Variants in WWOX observed in about 807,000 individuals in gnomAD.
WWOX encodes the protein WW domain containing oxidoreductase.
Under a neutral mutation model 46.2 loss-of-function variants are expected in WWOX, and 69 were observed. That is an observed-to-expected ratio of 1.49 (90% confidence interval 1.23 to 1.82). The LOEUF is 1.82. Among genes scored for constraint, WWOX ranks in the 40% most tolerant of loss-of-function variants. The pLI, the probability that WWOX is intolerant of heterozygous loss-of-function variation, is 0.00. For synonymous variants in WWOX, 359 were observed against 202.6 expected (o/e 1.77, Z -6.56); for missense variants, 919 against 542.6 (o/e 1.69, Z -6.89).
chr16:78,359,376 G>C (rs778246522), intron 5 of WWOX, among the ~76,000 whole-genome samples: 1 of 152,136 alleles, frequency 6.6e-6, no homozygotes, highest in Non-Finnish European at 1.5e-5. Flanking sequence ...TACAAATTAA[G>C]TTTTTTTCTG....
chr16:78,890,338 CCAT>C (rs1262172411), intron 8 of WWOX: 2 of 152,188 alleles, frequency 1.3e-5, no homozygotes, highest in African/African-American at 4.8e-5. Flanking sequence ...AATTTGACCT[CCAT>C]CATTCTTAAA....
chr16:78,721,421 T>C (rs988158303), intron 8 of WWOX, among the ~76,000 whole-genome samples: 3 of 152,220 alleles, frequency 2.0e-5, no homozygotes, highest in Non-Finnish European at 2.9e-5. Context: ...TATGAACATA[T>C]TGTCGGCTGG....
At chr16:78,331,010 G>C (rs1465826753) in intron 5 of WWOX, among the ~76,000 whole-genome samples, 1 of 152,178 alleles carries the variant, frequency 6.6e-6, no homozygotes, top group East Asian at 1.9e-4. Flanking sequence ...TGATGCTAAA[G>C]ATTGGCGTTA....
chr16:78,775,503 C>G (rs771462931), intron 8 of WWOX, among the ~76,000 whole-genome samples: 1 of 152,068 alleles, frequency 6.6e-6, no homozygotes, highest in East Asian at 1.9e-4. Flanking sequence ...GTCACTGTAG[C>G]GCCCTCCGGG....
chr16:78,142,080 T>C (rs1215605578), intron 4 of WWOX, among the ~76,000 whole-genome samples: 1 of 152,004 alleles, frequency 6.6e-6, no homozygotes, highest in Non-Finnish European at 1.5e-5. Context: ...ACAATGAAGG[T>C]AATTATTAAA....
intron 8 of WWOX, among the ~76,000 whole-genome samples, chr16:78,802,712 T>C (rs908928821): frequency 6.6e-6 from 1 of 151,094 alleles, no homozygotes; most frequent in Non-Finnish European, 1.5e-5. Context: ...GGTCAGGAGT[T>C]CAAGATCAGC....
intron 8 of WWOX, among the ~76,000 whole-genome samples, chr16:79,135,418 C>T (rs2049964224): frequency 6.6e-6 from 1 of 152,124 alleles, no homozygotes; most frequent in South Asian, 2.1e-4. Flanking sequence ...TGTCTGTCTT[C>T]ACCATCATTT....
At chr16:78,325,918 C>T (rs1370476407) in intron 5 of WWOX, among the ~76,000 whole-genome samples, 1 of 152,246 alleles carries the variant, frequency 6.6e-6, no homozygotes, top group African/African-American at 2.4e-5. Context: ...AAATGATGCC[C>T]ACTGTGGATC....
chr16:78,259,109 G>C (rs1309846048), intron 5 of WWOX, among the ~76,000 whole-genome samples: 2 of 152,196 alleles, frequency 1.3e-5, no homozygotes, highest in Non-Finnish European at 2.9e-5. Flanking sequence ...GTTTGAGTTA[G>C]AAATAGAGTT....
chr16:78,970,971 G>A (rs929151351), intron 8 of WWOX, among the ~76,000 whole-genome samples: 2 of 152,120 alleles, frequency 1.3e-5, no homozygotes, highest in African/African-American at 2.4e-5. Flanking sequence ...CCTGGTGGGA[G>A]AAACAGCTGC....
chr16:78,667,736 A>G (rs887870515), intron 8 of WWOX, among the ~76,000 whole-genome samples: 27 of 151,540 alleles, frequency 1.8e-4, no homozygotes, highest in African/African-American at 6.3e-4. Context: ...AACACCCATT[A>G]CTCTGCTCAT....
At chr16:78,712,948 G>T (rs370997335) in intron 8 of WWOX, among the ~76,000 whole-genome samples, 1 of 152,060 alleles carries the variant, frequency 6.6e-6, no homozygotes, top group Non-Finnish European at 1.5e-5. Flanking sequence ...GTCTCAAGAG[G>T]CAGGCTGCCA....
intron 5 of WWOX, chr16:78,168,621 G>C (rs982414420): frequency 6.6e-6 from 1 of 151,938 alleles, no homozygotes; most frequent in Non-Finnish European, 1.5e-5. Flanking sequence ...TAGTATCAAT[G>C]TTCATACTTT....
At chr16:78,675,177 A>G (rs373734585) in intron 8 of WWOX, among the ~76,000 whole-genome samples, 9 of 152,238 alleles carry the variant, frequency 5.9e-5, no homozygotes, top group East Asian at 5.8e-4. Context: ...ATTTTTATGT[A>G]TATTTAACAG....
At chr16:78,708,852 G>A (rs571366933) in intron 8 of WWOX, among the ~76,000 whole-genome samples, 1 of 152,200 alleles carries the variant, frequency 6.6e-6, no homozygotes, top group Non-Finnish European at 1.5e-5. Flanking sequence ...CCAGCAAAGG[G>A]CTTGTATGCA....
At chr16:78,237,786 T>A (rs980678506) in intron 5 of WWOX, 1 of 152,236 alleles carries the variant, frequency 6.6e-6, no homozygotes, top group African/African-American at 2.4e-5. Flanking sequence ...CAATAAAAAA[T>A]TTGCAGAAAT....
intron 8 of WWOX, among the ~76,000 whole-genome samples, chr16:78,569,248 C>T (rs2257003): frequency 6.6e-6 from 1 of 152,168 alleles, no homozygotes; most frequent in Non-Finnish European, 1.5e-5. Flanking sequence ...TTCCTTGTCT[C>T]TCTATATTGT....
chr16:78,256,768 G>C (rs2038142671), intron 5 of WWOX, among the ~76,000 whole-genome samples: 1 of 152,132 alleles, frequency 6.6e-6, no homozygotes. Context: ...TTGGTGAATG[G>C]TAGTAGATTG....
intron 8 of WWOX, among the ~76,000 whole-genome samples, chr16:79,081,666 T>C (rs1208426834): frequency 6.6e-6 from 1 of 152,162 alleles, no homozygotes; most frequent in Non-Finnish European, 1.5e-5. Context: ...CCCGTATCAA[T>C]GGATTGAAAT....
Sources: allele counts gnomAD v4.1 joint callset (sites outside exome capture counted in the v4.1 genomes callset), GRCh38; gene constraint gnomAD v4.1.1; transcripts MANE v1.5; gene names NCBI Gene and HGNC (gene_info 2026-07-23, HGNC 2026-07-21).